KCNQ5: variants seen among roughly 807,000 people sequenced by gnomAD.
The protein encoded by KCNQ5 is potassium voltage-gated channel subfamily Q member 5, also known as potassium voltage-gated channel subfamily KQT member 5.
In KCNQ5, 30 loss-of-function variants were observed where a neutral mutation model predicts 98.2. The ratio of observed to expected loss-of-function variants is 0.31; its 90% CI spans 0.23 to 0.41. KCNQ5 has a LOEUF of 0.41. KCNQ5 is among the 10% of genes least tolerant of loss of function. The pLI is 1.00. For synonymous variants in KCNQ5, 458 were observed against 449.4 expected (o/e 1.02, Z -0.24); for missense variants, 835 against 1,182.5 (o/e 0.71, Z 4.31).
At chr6:72,667,107 G>A (rs1202480915) in intron 1 of KCNQ5, among the ~76,000 whole-genome samples, 1 of 151,968 alleles carries the variant, frequency 6.6e-6, no homozygotes, top group Admixed American at 6.6e-5. Context: ...GATAAGAAAT[G>A]TCTGGTGTCT....
chr6:73,181,934 T>A (rs946924993), intron 11 of KCNQ5, among the ~76,000 whole-genome samples: 11 of 152,262 alleles, frequency 7.2e-5, no homozygotes, highest in African/African-American at 2.7e-4. Context: ...ATCATTTTAA[T>A]CATTAAATGT....
intron 3 of KCNQ5, among the ~76,000 whole-genome samples, chr6:73,073,990 A>C (rs1562162324): frequency 6.6e-6 from 1 of 152,214 alleles, no homozygotes. Flanking sequence ...TCCTTTGATT[A>C]ACCTGAGTAT....
At chr6:72,703,238 T>C (rs1201014321) in intron 1 of KCNQ5, among the ~76,000 whole-genome samples, 1 of 152,236 alleles carries the variant, frequency 6.6e-6, no homozygotes, top group Non-Finnish European at 1.5e-5. Flanking sequence ...CGTCCTGCCC[T>C]TCCCAGCATC....
At chr6:72,868,232 T>A (rs986098723) in intron 1 of KCNQ5, among the ~76,000 whole-genome samples, 2 of 152,192 alleles carry the variant, frequency 1.3e-5, no homozygotes, top group African/African-American at 4.8e-5. Flanking sequence ...AAAATTGATC[T>A]GTTTAGAAGA....
intron 3 of KCNQ5, among the ~76,000 whole-genome samples, chr6:73,065,869 G>A (rs945782212): frequency 3.3e-5 from 5 of 152,206 alleles, no homozygotes; most frequent in African/African-American, 4.8e-5. Flanking sequence ...AAAAACGGCC[G>A]GGCTCAGTGG....
chr6:72,680,180 A>G (rs1182914361), intron 1 of KCNQ5, among the ~76,000 whole-genome samples: 1 of 152,088 alleles, frequency 6.6e-6, no homozygotes, highest in Non-Finnish European at 1.5e-5. Flanking sequence ...CATAAGCAGT[A>G]CTCTCCATCC....
intron 1 of KCNQ5, among the ~76,000 whole-genome samples, chr6:72,760,690 G>A (rs528985828): frequency 6.6e-6 from 1 of 152,122 alleles, no homozygotes; most frequent in East Asian, 1.9e-4. Context: ...TTTTTTCACT[G>A]GTTATTGGTT....
At chr6:73,075,545 A>G (rs1026316772) in intron 3 of KCNQ5, among the ~76,000 whole-genome samples, 1 of 152,132 alleles carries the variant, frequency 6.6e-6, no homozygotes, top group African/African-American at 2.4e-5. Context: ...TTTCCTAGTC[A>G]TATACTAATA....
intron 1 of KCNQ5, among the ~76,000 whole-genome samples, chr6:72,735,501 T>C (rs1770781132): frequency 6.6e-6 from 1 of 152,166 alleles, no homozygotes; most frequent in Admixed American, 6.5e-5. Flanking sequence ...ATTTTTAATG[T>C]CTTAATAATG....
At chr6:72,801,987 G>A (rs1465623637) in intron 1 of KCNQ5, among the ~76,000 whole-genome samples, 17 of 152,190 alleles carry the variant, frequency 1.1e-4, no homozygotes, top group Non-Finnish European at 2.2e-4. Context: ...GGTTTCTGCC[G>A]AGAGATCCGC....
At chr6:72,844,088 C>T (rs894203281) in intron 1 of KCNQ5, among the ~76,000 whole-genome samples, 36 of 152,234 alleles carry the variant, frequency 2.4e-4, no homozygotes, top group African/African-American at 6.0e-4. Flanking sequence ...GAAACCACCA[C>T]GGCACACGTA....
chr6:72,942,398 C>A (rs1384491781), intron 1 of KCNQ5, among the ~76,000 whole-genome samples: 2 of 152,072 alleles, frequency 1.3e-5, no homozygotes, highest in Non-Finnish European at 2.9e-5. Flanking sequence ...TATGATTACT[C>A]TATGTAAAAA....
At position 72,794,692 on chromosome 6, in the gene KCNQ5, G is replaced by A. The variant is rs142963952; in HGVS notation, c.398+172105G>A. 6.8e-4 allele frequency among the ~76,000 whole-genome samples: 103 copies of A among 152,220 alleles called. 3 individuals carry two copies. The highest frequency in any genetic ancestry group is 2.5e-3 in the African/African-American group (102 of 41,536). On this transcript the variant is annotated intron_variant, in intron 1 of 13. Coordinates refer to ENST00000370398, the MANE Select transcript of KCNQ5 (RefSeq NM_019842.4). Reference sequence around the variant, plus strand: ...AAAGCTAAAGGTTAGCACTTAATGAGGGGTGTATGTCTGTTCATCTCTTTT... The same window carrying A: ...AAAGCTAAAGGTTAGCACTTAATGAAGGGTGTATGTCTGTTCATCTCTTTT...
At chr6:72,643,961 C>G (rs1455406377) in intron 1 of KCNQ5, among the ~76,000 whole-genome samples, 1 of 151,870 alleles carries the variant, frequency 6.6e-6, no homozygotes, top group African/African-American at 2.4e-5. Context: ...AATACTGCAT[C>G]CTTTGAAAAG....
chr6:72,638,613 A>T (rs960789122), intron 1 of KCNQ5, among the ~76,000 whole-genome samples: 2 of 151,816 alleles, frequency 1.3e-5, no homozygotes, highest in Admixed American at 6.6e-5. Context: ...TTTTTTCTCC[A>T]AAACAGGTTA....
intron 1 of KCNQ5, among the ~76,000 whole-genome samples, chr6:72,795,108 A>T (rs1774259481): frequency 6.6e-6 from 1 of 152,198 alleles, no homozygotes; most frequent in South Asian, 2.1e-4. Flanking sequence ...GAAGCATAAT[A>T]TCTAAATTAT....
At chr6:73,157,211 G>A (rs968924959) in intron 10 of KCNQ5, among the ~76,000 whole-genome samples, 4 of 152,250 alleles carry the variant, frequency 2.6e-5, no homozygotes, top group African/African-American at 9.6e-5. Context: ...AAGTTGGGTG[G>A]GAGGTCAGGC....
chr6:72,648,350 A>T (rs778302213), intron 1 of KCNQ5, among the ~76,000 whole-genome samples: 1 of 152,212 alleles, frequency 6.6e-6, no homozygotes. Flanking sequence ...GAAAATGTCC[A>T]TAAGGATAAT....
intron 1 of KCNQ5, among the ~76,000 whole-genome samples, chr6:72,796,964 T>C (rs1271563956): frequency 6.6e-6 from 1 of 152,146 alleles, no homozygotes; most frequent in Non-Finnish European, 1.5e-5. Context: ...GAAAATGAAC[T>C]ATGCAGAGCA....
Sources: allele counts gnomAD v4.1 joint callset (sites outside exome capture counted in the v4.1 genomes callset), GRCh38; gene constraint gnomAD v4.1.1; transcripts MANE v1.5; gene names NCBI Gene and HGNC (gene_info 2026-07-23, HGNC 2026-07-21).